RGS7: variants seen among roughly 807,000 people sequenced by gnomAD.
RGS7 encodes regulator of G-protein signaling 7.
In RGS7, 27 loss-of-function variants were observed where a neutral mutation model predicts 81.1. The ratio of observed to expected loss-of-function variants is 0.33; its 90% CI spans 0.25 to 0.46. The LOEUF is 0.46. Among genes scored for constraint, RGS7 ranks in the 20% least tolerant of loss-of-function variants. RGS7 has a pLI of 1.00. For missense variants in RGS7, 396 were observed against 607.4 expected (o/e 0.65, Z 3.66); for synonymous variants, 208 against 207.7 (o/e 1.00, Z -0.01).
At chr1:241,150,251 G>A (rs995174958) in intron 2 of RGS7, among the ~76,000 whole-genome samples, 3 of 152,134 alleles carry the variant, frequency 2.0e-5, no homozygotes, top group Non-Finnish European at 4.4e-5. Flanking sequence ...ATCACATTTG[G>A]TGCGGTATTT....
At chr1:241,141,261 C>T (rs2067900433) in intron 2 of RGS7, among the ~76,000 whole-genome samples, 1 of 152,096 alleles carries the variant, frequency 6.6e-6, no homozygotes, top group Admixed American at 6.6e-5. Context: ...CTAAGAGGGC[C>T]AGCCCAGGAG....
chr1:241,286,571 A>G (rs1482341222), intron 2 of RGS7, among the ~76,000 whole-genome samples: 1 of 152,196 alleles, frequency 6.6e-6, no homozygotes, highest in East Asian at 1.9e-4. Flanking sequence ...GTTCCATAAC[A>G]AAGAGATTAT....
chr1:241,215,983 G>C (rs2074526948), intron 2 of RGS7, among the ~76,000 whole-genome samples: 1 of 152,174 alleles, frequency 6.6e-6, no homozygotes, highest in Non-Finnish European at 1.5e-5. Flanking sequence ...TGAAAAGTAA[G>C]AATAAAGGCC....
chr1:241,321,883 A>G (rs745753617), intron 2 of RGS7, among the ~76,000 whole-genome samples: 29 of 152,152 alleles, frequency 1.9e-4, no homozygotes, highest in Non-Finnish European at 2.9e-4. Flanking sequence ...CTAGAATTCA[A>G]GCTCCTCACA....
intron 6 of RGS7, among the ~76,000 whole-genome samples, chr1:240,913,301 G>A (rs887387918): frequency 6.6e-6 from 1 of 152,078 alleles, no homozygotes; most frequent in Admixed American, 6.5e-5. Flanking sequence ...TCATATACAT[G>A]CATACCTACA....
chr1:240,839,084 C>T (rs1467858379), intron 9 of RGS7, among the ~76,000 whole-genome samples: 1 of 152,170 alleles, frequency 6.6e-6, no homozygotes. Flanking sequence ...GTCTTTAAGA[C>T]AGCAATGCCT....
chr1:241,021,944 G>C (rs774599620), intron 3 of RGS7, among the ~76,000 whole-genome samples: 14 of 152,104 alleles, frequency 9.2e-5, no homozygotes, highest in South Asian at 6.2e-4. Context: ...TCTAAAGTGA[G>C]GATGGTAAGA....
At chr1:241,203,677 CT>C (rs1343133292) in intron 2 of RGS7, among the ~76,000 whole-genome samples, 1 of 152,134 alleles carries the variant, frequency 6.6e-6, no homozygotes, top group Non-Finnish European at 1.5e-5. Context: ...AGAATCTTGC[CT>C]GACATAATCC....
At chr1:241,098,064 A>G (rs939805276) in intron 3 of RGS7, among the ~76,000 whole-genome samples, 3 of 152,122 alleles carry the variant, frequency 2.0e-5, no homozygotes, top group African/African-American at 4.8e-5. Context: ...CTGAATGCCA[A>G]TTTATCCCGA....
chr1:241,106,737 A>C (rs1431760241), intron 2 of RGS7, among the ~76,000 whole-genome samples: 9 of 89,670 alleles, frequency 1.0e-4, no homozygotes, highest in Non-Finnish European at 1.7e-4. Context: ...AAAAAAAAAA[A>C]AACCAACACC....
At chr1:241,123,477 A>G (rs1328201296) in intron 2 of RGS7, among the ~76,000 whole-genome samples, 2 of 152,194 alleles carry the variant, frequency 1.3e-5, no homozygotes, top group Non-Finnish European at 2.9e-5. Context: ...TGGGCCGGAC[A>G]CGGTGGCTCA....
At chr1:241,135,493 G>A (rs960159076) in intron 2 of RGS7, among the ~76,000 whole-genome samples, 3 of 151,794 alleles carry the variant, frequency 2.0e-5, no homozygotes, top group East Asian at 1.9e-4. Context: ...GTCTGTTGGC[G>A]TGCTCTTGGG....
At chr1:241,330,172 C>A (rs1288099034) in intron 2 of RGS7, among the ~76,000 whole-genome samples, 1 of 152,156 alleles carries the variant, frequency 6.6e-6, no homozygotes, top group African/African-American at 2.4e-5. Context: ...ATCTCCTGAC[C>A]TCGTGATCCA....
chr1:240,899,854 TCTC>T (rs1200289466), intron 6 of RGS7, among the ~76,000 whole-genome samples: 2 of 152,196 alleles, frequency 1.3e-5, no homozygotes, highest in Non-Finnish European at 2.9e-5. Context: ...TAGGTGAAGT[TCTC>T]CTGGAAAATA....
rs376262833 is a variant in RGS7, at chr1:241,201,990, GC to G, written c.79-103229del. ...TATTTCAGCCCACTACCTCAACCCT[GC>G]AAACACACAGACACACACAGACACA... On this transcript the variant is annotated intron_variant, in intron 2 of 18. Transcript: ENST00000440928. Among the ~76,000 whole-genome samples, 385 of 109,390 alleles carry G rather than the reference GC, an allele frequency of 3.5e-3. 2 individuals are homozygous for G. Among genetic ancestry groups the G allele is most frequent in the African/African-American group, 0.017 (379 of 22,308 alleles). The allele number at this position is 109,390 out of a possible 152,430, so 71.8% of individuals were successfully genotyped here. A position where few individuals can be genotyped will look rare whatever the true frequency, so the allele number is the denominator to read the frequency against.
At chr1:241,296,272 G>A (rs1426879230) in intron 2 of RGS7, among the ~76,000 whole-genome samples, 5 of 152,098 alleles carry the variant, frequency 3.3e-5, no homozygotes, top group East Asian at 3.9e-4. Context: ...AGAAGTAGCC[G>A]CTGACACAGC....
intron 2 of RGS7, among the ~76,000 whole-genome samples, chr1:241,242,653 T>A (rs2076321357): frequency 6.6e-6 from 1 of 152,208 alleles, no homozygotes; most frequent in African/African-American, 2.4e-5. Context: ...TTTTTTGATT[T>A]TCTGATTATG....
chr1:240,928,604 ATTTTTTTTTT>A (rs769378768), intron 6 of RGS7, among the ~76,000 whole-genome samples: 5 of 134,922 alleles, frequency 3.7e-5, no homozygotes, highest in African/African-American at 1.4e-4. Context: ...TTTCTTTATA[ATTTTTTTTTT>A]TTTTTTTTTT....
chr1:240,794,689 C>A (rs1453869229), intron 18 of RGS7, among the ~76,000 whole-genome samples: 2 of 152,156 alleles, frequency 1.3e-5, no homozygotes, highest in African/African-American at 4.8e-5. Flanking sequence ...GAGGGACTGC[C>A]CAAGTAGATT....
Sources: allele counts gnomAD v4.1 joint callset (sites outside exome capture counted in the v4.1 genomes callset), GRCh38; gene constraint gnomAD v4.1.1; transcripts MANE v1.5; gene names NCBI Gene and HGNC (gene_info 2026-07-23, HGNC 2026-07-21).